Variants in PTPRD observed in about 807,000 individuals in gnomAD.
PTPRD encodes the protein protein tyrosine phosphatase receptor type D.
In PTPRD, 34 loss-of-function variants were observed where a neutral mutation model predicts 214.5. That is an observed-to-expected ratio of 0.16 (90% CI 0.12 to 0.21). The LOEUF (loss-of-function observed/expected upper bound fraction) is 0.21, where lower values mean the gene tolerates loss of function less well. Among genes scored for constraint, PTPRD ranks in the 10% least tolerant of loss-of-function variants. PTPRD has a pLI of 1.00. For synonymous variants in PTPRD, 1,128 were observed against 845.7 expected, an observed-to-expected ratio of 1.33 and a Z score of -5.79; for missense variants, 2,545 against 2,398.7, an observed-to-expected ratio of 1.06 and a Z score of -1.27.
At chr9:10,295,692 A>G (rs1049475581) in intron 3 of PTPRD, among the ~76,000 whole-genome samples, 3 of 152,064 alleles carry the variant, frequency 2.0e-5, no homozygotes, top group Non-Finnish European at 4.4e-5. Context: ...ACATGGCAAA[A>G]GGAATTCTTC....
chr9:8,558,822 C>T (rs189274414), intron 14 of PTPRD, among the ~76,000 whole-genome samples: 34 of 152,124 alleles, frequency 2.2e-4, no homozygotes, highest in African/African-American at 7.7e-4. Flanking sequence ...CATGCAATGG[C>T]GAACTGAAAT....
chr9:10,227,495 C>T (rs1009469296), intron 3 of PTPRD, among the ~76,000 whole-genome samples: 2 of 151,864 alleles, frequency 1.3e-5, no homozygotes, highest in Non-Finnish European at 2.9e-5. Context: ...CTCTGTGGTT[C>T]AGCTATCCAA....
intron 11 of PTPRD, among the ~76,000 whole-genome samples, chr9:9,007,895 TTTG>T (rs1252334355): frequency 6.1e-5 from 9 of 146,760 alleles, no homozygotes; most frequent in East Asian, 2.0e-4. Context: ...GTTTTTTTTT[TTTG>T]TTTTTGAAAT....
At chr9:9,122,753 T>C (rs2154465230) in intron 10 of PTPRD, among the ~76,000 whole-genome samples, 1 of 152,292 alleles carries the variant, frequency 6.6e-6, no homozygotes, top group South Asian at 2.1e-4. Flanking sequence ...ACTATACCCA[T>C]ACTCTCATCT....
At position 9,271,879 on chromosome 9, in the gene PTPRD, C is replaced by A. The variant is rs899569407; in HGVS notation, c.-202-88516G>T. 5.6e-4 allele frequency among the ~76,000 whole-genome samples: 84 copies of A among 151,174 alleles called. 1 individual carries two copies. The highest frequency in any genetic ancestry group is 2.0e-3 in the African/African-American group (82 of 41,252). Reference sequence around the variant, plus strand: ...AAATAAAAATTATCAAATATACATACGGAAAAATAGCAGCAGTTCCTTAAA... The same window carrying A: ...AAATAAAAATTATCAAATATACATAAGGAAAAATAGCAGCAGTTCCTTAAA... On this transcript the variant is annotated intron_variant, in intron 9 of 45. Coordinates refer to ENST00000381196, the MANE Select transcript of PTPRD (RefSeq NM_002839.4).
At chr9:8,558,584 G>A (rs2084911008) in intron 14 of PTPRD, among the ~76,000 whole-genome samples, 1 of 152,204 alleles carries the variant, frequency 6.6e-6, no homozygotes, top group Non-Finnish European at 1.5e-5. Flanking sequence ...TCATCTCTCT[G>A]AAACGTATTA....
Position 8,389,368 on chromosome 9 carries a change from T to A in PTPRD, c.4250A>T (p.Asp1417Val), listed in dbSNP as rs2135663533. 2 of 1,611,830 alleles carry A rather than the reference T, an allele frequency of 1.2e-6. No homozygotes were observed. The highest frequency in any genetic ancestry group is 2.2e-5 in the South Asian group (2 of 90,652). ...ATAGGCATTTTGCTTCCTATACCCA[T>A]CTATGTAGTTGGCATTCACATAGTC... is the stretch of plus-strand genomic sequence containing the variant. ...GSDYVNANYIDGYRKQNAYIA... is the reference protein window; with the variant it reads ...GSDYVNANYIVGYRKQNAYIA... Residue 1417 changes from aspartate to valine, a missense_variant, in exon 37 of 46, where the codon GAT becomes GTT. Asp to Val is a radical substitution (Grantham distance 152). Transcript: ENST00000381196.
intron 14 of PTPRD, among the ~76,000 whole-genome samples, chr9:8,547,546 G>A (rs1230648744): frequency 6.6e-6 from 1 of 151,516 alleles, no homozygotes; most frequent in African/African-American, 2.4e-5. Context: ...TCGGGGCTGA[G>A]GCAAGAAAAT....
intron 5 of PTPRD, among the ~76,000 whole-genome samples, chr9:9,858,963 C>T (rs1328635785): frequency 6.6e-6 from 1 of 152,152 alleles, no homozygotes; most frequent in Admixed American, 6.5e-5. Context: ...TCTGTGCCCC[C>T]ACCCAAATCT....
intron 3 of PTPRD, among the ~76,000 whole-genome samples, chr9:10,192,836 C>T (rs2099375339): frequency 6.6e-6 from 1 of 152,064 alleles, no homozygotes; most frequent in Admixed American, 6.6e-5. Flanking sequence ...AAGAGCAAAA[C>T]GGTACAATAG....
rs2095168183 is a variant in PTPRD, at chr9:9,477,742, C to G, written c.-236-80260G>C. Among the ~76,000 whole-genome samples, 3 of 151,926 alleles carry G rather than the reference C, an allele frequency of 2.0e-5. No individual in the cohort carries two copies. In the South Asian group the frequency reaches 6.2e-4, roughly 32 times the overall value. On this transcript the variant is annotated intron_variant, in intron 8 of 45. Transcript: ENST00000381196. Reference sequence around the variant, plus strand: ...TGGTCACTTATTACATTATATGGTGCAAGAATGTAATAATGATAATGAGAT... The same window carrying G: ...TGGTCACTTATTACATTATATGGTGGAAGAATGTAATAATGATAATGAGAT...
At chr9:9,195,086 G>GTGTATATATATATATATATATA (rs1554959656) in intron 9 of PTPRD, among the ~76,000 whole-genome samples, 5 of 131,170 alleles carry the variant, frequency 3.8e-5, no homozygotes, top group Non-Finnish European at 6.5e-5. Context: ...GTGTGTTTGT[G>GTGTATATATATATATATATATA]TATATATATA....
chr9:10,553,226 A>G (rs1184335808), intron 2 of PTPRD, among the ~76,000 whole-genome samples: 9 of 152,192 alleles, frequency 5.9e-5, no homozygotes, highest in Non-Finnish European at 8.8e-5. Flanking sequence ...TTGCATGTGG[A>G]AGATCATTTA....
chr9:9,603,223 G>A (rs1273895689), intron 7 of PTPRD, among the ~76,000 whole-genome samples: 2 of 152,076 alleles, frequency 1.3e-5, no homozygotes, highest in Non-Finnish European at 2.9e-5. Flanking sequence ...TGTCGGAATA[G>A]CTTTATGTTG....
chr9:9,427,178 G>A (rs187961247), intron 8 of PTPRD, among the ~76,000 whole-genome samples: 4 of 152,226 alleles, frequency 2.6e-5, no homozygotes, highest in African/African-American at 7.2e-5. Context: ...AAGATTAGAC[G>A]AATGGCTGAC....
chr9:8,456,058 T>C (rs573637438), intron 33 of PTPRD, among the ~76,000 whole-genome samples: 2 of 152,220 alleles, frequency 1.3e-5, no homozygotes, highest in East Asian at 3.9e-4. Flanking sequence ...TGATATTGAG[T>C]GATGGAGTCA....
intron 27 of PTPRD, among the ~76,000 whole-genome samples, chr9:8,487,956 G>C (rs1227117576): frequency 6.6e-6 from 1 of 152,176 alleles, no homozygotes; most frequent in Non-Finnish European, 1.5e-5. Context: ...TTGAGCCAAA[G>C]AGTTTGAGGC....
chr9:10,212,755 A>C (rs2099523128), intron 3 of PTPRD, among the ~76,000 whole-genome samples: 1 of 152,160 alleles, frequency 6.6e-6, no homozygotes, highest in Non-Finnish European at 1.5e-5. Context: ...AGAGGAAGAC[A>C]GTGATTTCAC....
intron 27 of PTPRD, 144 bp downstream of exon 27, chr9:8,492,718 C>T (rs1340304828): frequency 3.0e-4 from 131 of 431,152 alleles, no homozygotes; most frequent in African/African-American, 2.4e-3. Context: ...TTTTTTTTTA[C>T]CCCTGAACTA....
Sources: allele counts gnomAD v4.1 joint callset (sites outside exome capture counted in the v4.1 genomes callset), GRCh38; gene constraint gnomAD v4.1.1; transcripts MANE v1.5; gene names NCBI Gene and HGNC (gene_info 2026-07-23, HGNC 2026-07-21).